The following GRIA4 variants were observed in gnomAD, a reference collection of about 807,000 sequenced individuals.
GRIA4 encodes the protein glutamate receptor 4.
GRIA4 carries 34 observed loss-of-function variants against 104.0 expected under a neutral mutation model. That is an observed-to-expected ratio of 0.33 (90% CI 0.25 to 0.44). The LOEUF (loss-of-function observed/expected upper bound fraction) is 0.44. Among genes scored for constraint, GRIA4 ranks in the 20% least tolerant of loss-of-function variants. The probability of loss-of-function intolerance (pLI) is 1.00; values close to 1 mark genes in which losing one functional copy is unlikely to be tolerated. For missense variants in GRIA4, 750 were observed against 1,096.5 expected (o/e 0.68, Z 4.46); for synonymous variants, 386 against 381.9 (o/e 1.01, Z -0.13).
intron 5 of GRIA4, among the ~76,000 whole-genome samples, chr11:105,884,631 C>T (rs771978550): frequency 4.6e-5 from 7 of 152,190 alleles, no homozygotes; most frequent in Non-Finnish European, 4.4e-5. Flanking sequence ...CAGATCCCTG[C>T]TCCCCAAGCT....
intron 4 of GRIA4, among the ~76,000 whole-genome samples, chr11:105,793,153 T>A (rs1402639718): frequency 6.6e-6 from 1 of 152,156 alleles, no homozygotes; most frequent in Non-Finnish European, 1.5e-5. Flanking sequence ...AGCACTATGC[T>A]GACTTCTGGA....
intron 3 of GRIA4, among the ~76,000 whole-genome samples, chr11:105,738,079 A>AT (rs989771909): frequency 1.4e-5 from 2 of 147,454 alleles, no homozygotes; most frequent in African/African-American, 5.0e-5. Context: ...TGCTTAACAC[A>AT]TGGCATTAGA....
intron 4 of GRIA4, among the ~76,000 whole-genome samples, chr11:105,800,034 C>A (rs1281323914): frequency 1.3e-5 from 2 of 151,984 alleles, no homozygotes; most frequent in African/African-American, 4.8e-5. Context: ...TATGATTACC[C>A]ATAAATTTTA....
intron 3 of GRIA4, among the ~76,000 whole-genome samples, chr11:105,737,521 A>T (rs560127322): frequency 7.2e-5 from 11 of 152,138 alleles, no homozygotes; most frequent in Non-Finnish European, 1.3e-4. Flanking sequence ...CGGTTACTGC[A>T]ATCTTATTGT....
chr11:105,850,097 C>T (rs79758037), intron 4 of GRIA4, among the ~76,000 whole-genome samples: 4 of 152,016 alleles, frequency 2.6e-5, no homozygotes, highest in African/African-American at 4.8e-5. Flanking sequence ...CGGTGGCACA[C>T]GGTACCATTG....
chr11:105,755,329 C>T (rs1018082091), intron 4 of GRIA4, among the ~76,000 whole-genome samples: 1 of 152,082 alleles, frequency 6.6e-6, no homozygotes, highest in Non-Finnish European at 1.5e-5. Context: ...AAATGACATG[C>T]CTTTTATTCC....
At chr11:105,619,244 C>T (rs1337374637) in intron 3 of GRIA4, among the ~76,000 whole-genome samples, 1 of 151,908 alleles carries the variant, frequency 6.6e-6, no homozygotes, top group Non-Finnish European at 1.5e-5. Context: ...CGTAACACTT[C>T]TGAGTCTCGA....
chr11:105,965,770 A>C (rs1858330626), intron 14 of GRIA4, among the ~76,000 whole-genome samples: 1 of 152,224 alleles, frequency 6.6e-6, no homozygotes, highest in South Asian at 2.1e-4. Flanking sequence ...TGTTTAATAC[A>C]TTTGAAATTA....
intron 4 of GRIA4, among the ~76,000 whole-genome samples, chr11:105,841,899 A>G (rs1041853733): frequency 1.3e-5 from 2 of 152,236 alleles, no homozygotes; most frequent in Admixed American, 6.5e-5. Context: ...CACAGCTAAT[A>G]GGAACACAAA....
intron 4 of GRIA4, among the ~76,000 whole-genome samples, chr11:105,830,330 T>C (rs2135930348): frequency 6.6e-6 from 1 of 152,106 alleles, no homozygotes; most frequent in Admixed American, 6.6e-5. Context: ...TGAACTAAAA[T>C]AGTGAAAGTG....
intron 4 of GRIA4, among the ~76,000 whole-genome samples, chr11:105,843,776 T>C (rs1458805390): frequency 1.3e-5 from 2 of 152,194 alleles, no homozygotes; most frequent in East Asian, 3.8e-4. Flanking sequence ...ATATTGACCT[T>C]TGGCCAGATA....
At chr11:105,830,981 C>T (rs1392143993) in intron 4 of GRIA4, among the ~76,000 whole-genome samples, 1 of 152,020 alleles carries the variant, frequency 6.6e-6, no homozygotes, top group Non-Finnish European at 1.5e-5. Flanking sequence ...CACACACACA[C>T]ACACACACAT....
intron 3 of GRIA4, among the ~76,000 whole-genome samples, chr11:105,722,196 AC>A (rs1346382865): frequency 6.6e-6 from 1 of 152,120 alleles, no homozygotes; most frequent in African/African-American, 2.4e-5. Context: ...ACAGTCCCTG[AC>A]TTTTTGTGGT....
intron 4 of GRIA4, among the ~76,000 whole-genome samples, chr11:105,786,236 C>T (rs1451843458): frequency 6.6e-6 from 1 of 151,454 alleles, no homozygotes; most frequent in Non-Finnish European, 1.5e-5. Context: ...TCTATGCCCA[C>T]ATTATGACTC....
intron 4 of GRIA4, among the ~76,000 whole-genome samples, chr11:105,855,043 C>A (rs904786446): frequency 6.6e-6 from 1 of 152,174 alleles, no homozygotes; most frequent in Admixed American, 6.6e-5. Flanking sequence ...CAGCAGCCTG[C>A]TCTATTAACT....
chr11:105,611,611 C>G (rs1400046070), intron 2 of GRIA4, among the ~76,000 whole-genome samples: 1 of 152,138 alleles, frequency 6.6e-6, no homozygotes, highest in Non-Finnish European at 1.5e-5. Context: ...TTCCTGGAAG[C>G]TTCTCCCCTT....
intron 3 of GRIA4, among the ~76,000 whole-genome samples, chr11:105,701,329 T>TG (rs1259450903): frequency 6.6e-6 from 1 of 152,220 alleles, no homozygotes; most frequent in African/African-American, 2.4e-5. Flanking sequence ...AGTAAGTTCT[T>TG]GACTGCAATG....
At chr11:105,644,476 C>T (rs113647634) in intron 3 of GRIA4, among the ~76,000 whole-genome samples, 2,822 of 150,140 alleles carry the variant, frequency 0.019, 101 homozygotes, top group African/African-American at 0.065. Context: ...TGGTGATAGG[C>T]GCCTGTAGTC....
intron 4 of GRIA4, among the ~76,000 whole-genome samples, chr11:105,814,031 T>C (rs1943280798): frequency 2.0e-5 from 3 of 152,038 alleles, no homozygotes; most frequent in Non-Finnish European, 1.5e-5. Flanking sequence ...GCAAAAACCT[T>C]CCAGGGGATG....
Sources: gnomAD v4.1 joint callset for allele counts (sites outside exome capture counted in the v4.1 genomes callset) on GRCh38, gnomAD v4.1.1 for gene constraint, MANE v1.5 for transcripts, NCBI Gene and HGNC (gene_info 2026-07-23, HGNC 2026-07-21) for gene names.